The following KCND2 variants were observed in gnomAD, a reference collection of about 807,000 sequenced individuals.
The protein encoded by KCND2 is potassium voltage-gated channel subfamily D member 2.
KCND2 carries 16 observed loss-of-function variants against 54.4 expected under a neutral mutation model. That is an observed-to-expected ratio of 0.29 (90% CI 0.20 to 0.45). The LOEUF (loss-of-function observed/expected upper bound fraction) is 0.45. KCND2 is among the 20% of genes least tolerant of loss of function. The pLI is 1.00. For missense variants in KCND2, 486 were observed against 824.2 expected, an observed-to-expected ratio of 0.59 and a Z score of 5.02; for synonymous variants, 317 against 310.7, an observed-to-expected ratio of 1.02 and a Z score of -0.21.
intron 1 of KCND2, among the ~76,000 whole-genome samples, chr7:120,303,063 C>G (rs2116298628): frequency 1.3e-5 from 2 of 152,062 alleles, no homozygotes; most frequent in East Asian, 3.9e-4. Context: ...ATTCAAAGTT[C>G]TATTGCTAAT....
chr7:120,339,537 GTGTC>G (rs1221009824), intron 1 of KCND2, among the ~76,000 whole-genome samples: 27 of 119,530 alleles, frequency 2.3e-4, no homozygotes, highest in Admixed American at 9.9e-4. Context: ...GTGTGTGTGT[GTGTC>G]TGCGTGTGTG....
At chr7:120,546,094 A>G (rs1376724256) in intron 1 of KCND2, among the ~76,000 whole-genome samples, 1 of 151,944 alleles carries the variant, frequency 6.6e-6, no homozygotes, top group African/African-American at 2.4e-5. Context: ...ATGCTTAATT[A>G]TTTTCCTAAT....
intron 1 of KCND2, among the ~76,000 whole-genome samples, chr7:120,590,746 A>C (rs1264660102): frequency 1.3e-5 from 2 of 152,136 alleles, no homozygotes; most frequent in African/African-American, 4.8e-5. Context: ...AATTATATAT[A>C]TATAGCTGTA....
chr7:120,694,377 C>G (rs763209258), intron 1 of KCND2, among the ~76,000 whole-genome samples: 5 of 152,016 alleles, frequency 3.3e-5, no homozygotes, highest in Non-Finnish European at 7.4e-5. Flanking sequence ...TAGCGTGGCA[C>G]CTGGGTTTAA....
chr7:120,312,321 T>C (rs1165069877), intron 1 of KCND2, among the ~76,000 whole-genome samples: 1 of 152,196 alleles, frequency 6.6e-6, no homozygotes, highest in Non-Finnish European at 1.5e-5. Flanking sequence ...ATGTCTTTAT[T>C]ATTGTGAGTA....
chr7:120,654,936 T>C (rs1201382478), intron 1 of KCND2, among the ~76,000 whole-genome samples: 6 of 152,090 alleles, frequency 3.9e-5, no homozygotes, highest in Non-Finnish European at 8.8e-5. Context: ...TGAAATATAA[T>C]ATTCACTTAT....
At chr7:120,666,303 A>G (rs1311198710) in intron 1 of KCND2, among the ~76,000 whole-genome samples, 2 of 152,198 alleles carry the variant, frequency 1.3e-5, no homozygotes, top group East Asian at 1.9e-4. Flanking sequence ...ACAATCAGCA[A>G]GGAGAAATAC....
chr7:120,295,681 T>C (rs1035785079), intron 1 of KCND2, among the ~76,000 whole-genome samples: 7 of 151,996 alleles, frequency 4.6e-5, no homozygotes, highest in African/African-American at 1.7e-4. Context: ...CAAATACCTG[T>C]TATTATGTGT....
chr7:120,658,871 T>G (rs1229784478), intron 1 of KCND2, among the ~76,000 whole-genome samples: 1 of 152,206 alleles, frequency 6.6e-6, no homozygotes, highest in African/African-American at 2.4e-5. Context: ...ATGAAGCGTG[T>G]TAGGCACTGT....
At position 120,385,168 on chromosome 7, in the gene KCND2, G is replaced by A. The variant is rs938698991; in HGVS notation, c.1115+109421G>A. ...ACTACAGGTGCATGCCACCACGCTC[G>A]ACTATTTTTTTTTTTGGTAGAGACG... is the stretch of plus-strand genomic sequence containing the variant. On this transcript the variant is annotated intron_variant, in intron 1 of 5. Coordinates refer to ENST00000331113, the MANE Select transcript of KCND2 (RefSeq NM_012281.3). Among the ~76,000 whole-genome samples the A allele has an allele frequency of 4.0e-5, 6 of 150,798 alleles. No homozygotes were observed. The East Asian group carries it at 1.2e-3, about 30-fold the overall frequency.
chr7:120,429,203 G>A (rs6945034), intron 1 of KCND2, among the ~76,000 whole-genome samples: 89 of 152,292 alleles, frequency 5.8e-4, no homozygotes, highest in African/African-American at 2.1e-3. Flanking sequence ...TTATTAAGAT[G>A]TTATTTCTTT....
chr7:120,514,746 A>T (rs1479407122), intron 1 of KCND2, among the ~76,000 whole-genome samples: 1 of 152,080 alleles, frequency 6.6e-6, no homozygotes, highest in Non-Finnish European at 1.5e-5. Context: ...GTTCCACCTC[A>T]GATCATCAGG....
At chr7:120,727,043 C>T (rs1792742288) in intron 1 of KCND2, among the ~76,000 whole-genome samples, 2 of 152,078 alleles carry the variant, frequency 1.3e-5, no homozygotes, top group African/African-American at 4.8e-5. Flanking sequence ...GACATACTTT[C>T]AGAGATGGAA....
chr7:120,365,057 A>G (rs922934623), intron 1 of KCND2, among the ~76,000 whole-genome samples: 2 of 152,068 alleles, frequency 1.3e-5, no homozygotes, highest in Admixed American at 1.3e-4. Flanking sequence ...AAAGACATTA[A>G]TAACAAGATG....
At chr7:120,456,749 C>T (rs1802206523) in intron 1 of KCND2, among the ~76,000 whole-genome samples, 1 of 152,212 alleles carries the variant, frequency 6.6e-6, no homozygotes, top group Admixed American at 6.5e-5. Context: ...GTCACTGGAT[C>T]TACCATTCTA....
At chr7:120,595,792 T>C (rs1175850151) in intron 1 of KCND2, among the ~76,000 whole-genome samples, 1 of 151,822 alleles carries the variant, frequency 6.6e-6, no homozygotes, top group Non-Finnish European at 1.5e-5. Flanking sequence ...TAAGCTACAC[T>C]GTGAGTTCCT....
chr7:120,331,942 T>A (rs1421625970), intron 1 of KCND2, among the ~76,000 whole-genome samples: 1 of 152,102 alleles, frequency 6.6e-6, no homozygotes, highest in Admixed American at 6.6e-5. Context: ...AAATTTTATT[T>A]GTATTTTATT....
rs564499579 is a variant in KCND2 at position 120,576,058 on chromosome 7, A to G, written c.1116-156845A>G. 3.8e-5 allele frequency among the ~76,000 whole-genome samples: 5 copies of G among 131,440 alleles called. No homozygotes were observed. The East Asian group carries it at 1.0e-3, about 27-fold the overall frequency. The allele number at this position is 131,440 out of a possible 152,430, so 86.2% of individuals were successfully genotyped here. A position where few individuals can be genotyped will look rare whatever the true frequency, so the allele number is the denominator to read the frequency against. On this transcript the variant is annotated intron_variant, in intron 1 of 5. Coordinates refer to ENST00000331113, the MANE Select transcript of KCND2 (RefSeq NM_012281.3). ...ATTGCTGGTTTTGAGTGTTATGCAT[A>G]TTGTGGATATAGAAAAAATTACCCC...
intron 1 of KCND2, among the ~76,000 whole-genome samples, chr7:120,557,267 ATCTTT>A (rs1286289502): frequency 2.6e-5 from 4 of 152,116 alleles, no homozygotes; most frequent in African/African-American, 4.8e-5. Flanking sequence ...TTAAATATTT[ATCTTT>A]TCTTTATGCT....
Sources: allele counts gnomAD v4.1 joint callset (sites outside exome capture counted in the v4.1 genomes callset), GRCh38; gene constraint gnomAD v4.1.1; transcripts MANE v1.5; gene names NCBI Gene and HGNC (gene_info 2026-07-23, HGNC 2026-07-21).